SLC44A5: variants seen among roughly 807,000 people sequenced by gnomAD.
SLC44A5 encodes choline transporter-like protein 5.
SLC44A5 carries 57 observed loss-of-function variants against 101.8 expected under a neutral mutation model. The observed-to-expected ratio is 0.56, with a 90% CI of 0.45 to 0.70. The LOEUF (loss-of-function observed/expected upper bound fraction) is 0.70, where lower values mean the gene tolerates loss of function less well. Among genes scored for constraint, SLC44A5 ranks in the 30% least tolerant of loss-of-function variants. The pLI, the probability that SLC44A5 is intolerant of heterozygous loss-of-function variation, is 0.00. For synonymous variants in SLC44A5, 281 were observed against 290.9 expected, an observed-to-expected ratio of 0.97 and a Z score of 0.35; for missense variants, 737 against 853.1, an observed-to-expected ratio of 0.86 and a Z score of 1.70.
At chr1:75,498,135 A>G (rs1400994734) in intron 2 of SLC44A5, among the ~76,000 whole-genome samples, 1 of 152,196 alleles carries the variant, frequency 6.6e-6, no homozygotes, top group Admixed American at 6.5e-5. Flanking sequence ...TATGTATACA[A>G]TAAGACTTCT....
chr1:75,311,289 GTATTTT>G (rs1283766049), intron 4 of SLC44A5, among the ~76,000 whole-genome samples: 2 of 151,914 alleles, frequency 1.3e-5, no homozygotes, highest in African/African-American at 4.8e-5. Context: ...GCTAATTTTT[GTATTTT>G]TAGTAGAGAC....
the SLC44A5 span, among the ~76,000 whole-genome samples, chr1:75,678,656 T>C: frequency 5.4e-5 from 8 of 148,116 alleles, no homozygotes; most frequent in African/African-American, 7.7e-5. Context: ...ACCACAAAGA[T>C]GGGGAAAAAA....
At chr1:75,545,878 T>C (rs1052054391) in intron 1 of SLC44A5, among the ~76,000 whole-genome samples, 2 of 151,826 alleles carry the variant, frequency 1.3e-5, no homozygotes, top group South Asian at 2.1e-4. Flanking sequence ...GGCTGCTGGA[T>C]TGCAGCAGCA....
upstream of SLC44A5, among the ~76,000 whole-genome samples, chr1:75,615,416 TACACAC>T (rs3031479): frequency 7.6e-6 from 1 of 131,702 alleles, no homozygotes; most frequent in African/African-American, 3.0e-5. Context: ...CTCTCTCTCT[TACACAC>T]ACACACACAT....
At chr1:75,661,415 A>AAAAAAAC in the SLC44A5 span, among the ~76,000 whole-genome samples, 1 of 117,526 alleles carries the variant, frequency 8.5e-6, no homozygotes, top group African/African-American at 3.0e-5. Flanking sequence ...AAAAAAAAAA[A>AAAAAAAC]CACCATGGAA....
chr1:75,375,759 A>G (rs557949359), intron 3 of SLC44A5, among the ~76,000 whole-genome samples: 1 of 152,338 alleles, frequency 6.6e-6, no homozygotes, highest in East Asian at 1.9e-4. Flanking sequence ...TAATTTTCAT[A>G]ACAGAAGGAG....
At chr1:75,285,889 C>T (rs961870331) in intron 5 of SLC44A5, among the ~76,000 whole-genome samples, 4 of 151,948 alleles carry the variant, frequency 2.6e-5, no homozygotes, top group African/African-American at 7.2e-5. Context: ...TGTGGCCTAT[C>T]GTATGGTCTA....
At chr1:75,402,820 G>A (rs934578486) in intron 2 of SLC44A5, among the ~76,000 whole-genome samples, 2 of 152,064 alleles carry the variant, frequency 1.3e-5, no homozygotes, top group African/African-American at 4.8e-5. Flanking sequence ...ATACCCCAGT[G>A]GTGCCTGGAA....
At chr1:75,641,364 C>T in the SLC44A5 span, 29 of 781,174 alleles carry the variant, frequency 3.7e-5, no homozygotes, top group East Asian at 1.7e-4. Context: ...GTATCGTCTC[C>T]GGGCATAAAC....
In SLC44A5 at chr1:75,238,529, G is replaced by C. The variant is rs753224389; in HGVS notation, c.640C>G (p.Leu214Val). The C allele has an allele frequency of 6.3e-7, 1 of 1,599,964 alleles. No individual in the cohort carries two copies. Among genetic ancestry groups the C allele is most frequent in the East Asian group, 2.3e-5 (1 of 43,948 alleles). The change falls in exon 10 of 24, where the codon CTC (leucine) becomes GTC (valine). Residue 214 changes from leucine to valine, a missense_variant. Physicochemically the swap from Leu to Val is conservative, Grantham distance 32. Around this residue, in one of 3 missense-constraint regions of SLC44A5, gnomAD observed 665 missense variants for 764.4 expected, o/e 0.87. Transcript: ENST00000370859. Reference sequence around the variant, plus strand: ...CACACATACTTTGCAGCAATCCCGAGTTCTACAACACTTCTTGTCCCTCCA... The same window carrying C: ...CACACATACTTTGCAGCAATCCCGACTTCTACAACACTTCTTGTCCCTCCA... ...GNGGTRSVVE[L>V]GIAANGINKL...
chr1:75,682,036 C>A, the SLC44A5 span, among the ~76,000 whole-genome samples: 7 of 152,114 alleles, frequency 4.6e-5, no homozygotes, highest in African/African-American at 7.2e-5. Flanking sequence ...ACCTAGGAAT[C>A]CAACTTACAA....
At chr1:75,399,634 T>C (rs1171289482) in intron 2 of SLC44A5, among the ~76,000 whole-genome samples, 1 of 151,974 alleles carries the variant, frequency 6.6e-6, no homozygotes, top group African/African-American at 2.4e-5. Flanking sequence ...TTTGTTGTAA[T>C]GGAAAGATGG....
the SLC44A5 span, among the ~76,000 whole-genome samples, chr1:75,663,129 T>C: frequency 6.6e-6 from 1 of 152,160 alleles, no homozygotes; most frequent in Non-Finnish European, 1.5e-5. Context: ...ATAGAGTTAC[T>C]CTCTACTTCT....
chr1:75,548,639 A>C (rs1048835816), intron 1 of SLC44A5, among the ~76,000 whole-genome samples: 4 of 152,166 alleles, frequency 2.6e-5, no homozygotes, highest in Non-Finnish European at 5.9e-5. Flanking sequence ...GCATCTGTGA[A>C]GACTGTTTAC....
At chr1:75,246,120 G>A (rs1449680500) in intron 7 of SLC44A5, among the ~76,000 whole-genome samples, 1 of 152,084 alleles carries the variant, frequency 6.6e-6, no homozygotes, top group Non-Finnish European at 1.5e-5. Context: ...ACCACAAAGG[G>A]CACTTTGCAT....
chr1:75,630,188 G>A, the SLC44A5 span, among the ~76,000 whole-genome samples: 1,462 of 152,228 alleles, frequency 9.6e-3, 22 homozygotes, highest in African/African-American at 0.033. Flanking sequence ...TACAATAGCT[G>A]ACTCTGTAGG....
the SLC44A5 span, among the ~76,000 whole-genome samples, chr1:75,683,207 T>A: frequency 0.29 from 42,658 of 148,678 alleles, 6,356 homozygotes; most frequent in Non-Finnish European, 0.33. Flanking sequence ...GCGATTCCTC[T>A]GGGATCTAGA....
intron 4 of SLC44A5, among the ~76,000 whole-genome samples, chr1:75,333,167 A>G (rs1036905825): frequency 6.6e-6 from 1 of 152,214 alleles, no homozygotes; most frequent in African/African-American, 2.4e-5. Context: ...ACCTATGTCC[A>G]TAGCACTTCC....
intron 4 of SLC44A5, among the ~76,000 whole-genome samples, chr1:75,317,479 G>GT (rs1469175567): frequency 6.6e-6 from 1 of 152,142 alleles, no homozygotes; most frequent in East Asian, 1.9e-4. Flanking sequence ...TATTCTCAAT[G>GT]TTTTTGTGGT....
Sources: allele counts gnomAD v4.1 joint callset (sites outside exome capture counted in the v4.1 genomes callset), GRCh38; gene constraint gnomAD v4.1.1; regional missense constraint gnomAD v4.1.1; transcripts MANE v1.5; gene names NCBI Gene and HGNC (gene_info 2026-07-23, HGNC 2026-07-21).